PCDHGB5: variants seen among roughly 807,000 people sequenced by gnomAD.
PCDHGB5 encodes protocadherin gamma-B5.
A neutral mutation model predicts 62.9 loss-of-function variants in PCDHGB5; 48 were observed. The ratio of observed to expected loss-of-function variants is 0.76; its 90% CI spans 0.61 to 0.97. PCDHGB5 has a LOEUF of 0.97. PCDHGB5 is among the 50% of genes least tolerant of loss of function. PCDHGB5 has a pLI of 0.00. For missense variants in PCDHGB5, 1,118 were observed against 1,198.6 expected (o/e 0.93, Z 0.99); for synonymous variants, 474 against 511.2 (o/e 0.93, Z 0.98).
intron 1 of PCDHGB5, among the ~76,000 whole-genome samples, chr5:141,473,132 T>C (rs2099314792): frequency 6.6e-6 from 1 of 152,230 alleles, no homozygotes; most frequent in Non-Finnish European, 1.5e-5. Context: ...TGGCAAACTA[T>C]ATTATCTCTT....
chr5:141,490,611 G>A lies in PCDHGB5; in HGVS notation c.2398-4196G>A, dbSNP rs1442281165. 1 of 1,614,052 alleles carries A rather than the reference G, an allele frequency of 6.2e-7. No homozygotes were observed. The highest frequency in any genetic ancestry group is 1.3e-5 in the African/African-American group (1 of 74,914). On this transcript the variant is annotated intron_variant, in intron 1 of 3. Coordinates refer to ENST00000617380, the MANE Select transcript of PCDHGB5 (RefSeq NM_018925.3). This position sits in a 1 kb window ranked among gnomAD's most constrained non-coding sequence, Gnocchi z 5.4. ...ACAATGCACCCCGCTTCAACCAGCA[G>A]CTTTACACTGCTTACATCCTAGAAA...
rs1337141924 is a variant in PCDHGB5, at chr5:141,512,916, CTAATATT to C, written c.*1746_*1752del. On this transcript the variant is annotated 3_prime_UTR_variant, in exon 4 of 4. Coordinates refer to ENST00000617380, the MANE Select transcript of PCDHGB5 (RefSeq NM_018925.3). The stretch of plus-strand genomic sequence containing the variant: ...CTGTGTCTCACGCAAGTTTTATACT[CTAATATT>C]TATATGGCTTTTTTTCTTCGACAAA... The C allele has an allele frequency of 1.3e-5, 2 of 152,206 alleles. No homozygotes were observed. Among genetic ancestry groups the C allele is most frequent in the Non-Finnish European group, 2.9e-5 (2 of 68,046 alleles). The allele number at this position is 152,206 out of a possible 1,614,324, so 9.4% of individuals were successfully genotyped here.
At chr5:141,442,473 C>T (rs1435437337) in intron 1 of PCDHGB5, 1 of 152,240 alleles carries the variant, frequency 6.6e-6, no homozygotes, top group Non-Finnish European at 1.5e-5. Flanking sequence ...CAGAAAGCCC[C>T]TTGGGGAAGG....
chr5:141,402,879 C>T, intron 1 of PCDHGB5: 1 of 1,471,232 alleles, frequency 6.8e-7, no homozygotes, highest in Non-Finnish European at 9.0e-7. Flanking sequence ...CCATACTTTG[C>T]AGGGTGGAAG....
intron 1 of PCDHGB5, chr5:141,419,831 G>C: frequency 1.9e-6 from 3 of 1,614,048 alleles, no homozygotes; most frequent in Non-Finnish European, 2.5e-6. Context: ...TTCAGCCACT[G>C]CCACGCTGCA....
chr5:141,464,725 A>G (rs538200804), intron 1 of PCDHGB5, among the ~76,000 whole-genome samples: 27 of 152,178 alleles, frequency 1.8e-4, no homozygotes, highest in African/African-American at 5.1e-4. Flanking sequence ...TCATATGTTT[A>G]AAAGCCAGTT....
chr5:141,449,078 C>T (rs1342751417), intron 1 of PCDHGB5, among the ~76,000 whole-genome samples: 1 of 152,052 alleles, frequency 6.6e-6, no homozygotes, highest in Non-Finnish European at 1.5e-5. Flanking sequence ...AGCCCTGTAC[C>T]TACATCAGTT....
intron 1 of PCDHGB5, chr5:141,423,971 G>T: frequency 8.8e-7 from 1 of 1,136,014 alleles, no homozygotes; most frequent in Non-Finnish European, 1.1e-6. Context: ...TCTATTATCA[G>T]TGTATGAGGC....
chr5:141,423,603 C>G, intron 1 of PCDHGB5: 1 of 1,612,584 alleles, frequency 6.2e-7, no homozygotes. Flanking sequence ...GCGAGCCACT[C>G]TTGATAGCTG....
chr5:141,507,781 C>A (rs2099863256), intron 3 of PCDHGB5, among the ~76,000 whole-genome samples: 1 of 152,214 alleles, frequency 6.6e-6, no homozygotes, highest in South Asian at 2.1e-4. Flanking sequence ...CAGGGCCTGA[C>A]CCTCGTCTAA....
intron 1 of PCDHGB5, chr5:141,430,604 A>C (rs1288378907): frequency 7.8e-6 from 5 of 641,158 alleles, no homozygotes; most frequent in Non-Finnish European, 1.2e-5. Context: ...CGCCTGAAGC[A>C]CAAAGCAGAT....
intron 1 of PCDHGB5, chr5:141,413,563 A>G: frequency 6.2e-7 from 1 of 1,613,918 alleles, no homozygotes; most frequent in Non-Finnish European, 8.5e-7. Context: ...AGTAACTGAT[A>G]TCAATGACAA....
At chr5:141,418,189 G>A in intron 1 of PCDHGB5, 1 of 1,614,046 alleles carries the variant, frequency 6.2e-7, no homozygotes, top group Admixed American at 1.7e-5. Flanking sequence ...AAGCTGTGGT[G>A]GAAAATCCTT....
intron 1 of PCDHGB5, among the ~76,000 whole-genome samples, chr5:141,480,693 G>C (rs1488899685): frequency 2.6e-5 from 4 of 152,096 alleles, no homozygotes; most frequent in Non-Finnish European, 5.9e-5. Context: ...CTGAAACCCA[G>C]GCCACACCCC....
chr5:141,432,537 C>T lies in PCDHGB5; in HGVS notation c.2397+32013C>T, dbSNP rs367578838. Reference sequence around the variant, plus strand: ...GGCTACCTGGTGACCAAGGTGGTGGCGGTGGACAGAGACTCCGGCCAGAAC... The same window carrying T: ...GGCTACCTGGTGACCAAGGTGGTGGTGGTGGACAGAGACTCCGGCCAGAAC... On this transcript the variant is annotated intron_variant, in intron 1 of 3. Transcript: ENST00000617380. This position sits in a 1 kb window ranked among gnomAD's most constrained non-coding sequence, Gnocchi z 6.0. The T allele has an allele frequency of 5.6e-6, 9 of 1,613,882 alleles. No homozygotes were observed. The African/African-American group carries it at 6.7e-5, about 12-fold the overall frequency.
intron 1 of PCDHGB5, chr5:141,492,005 C>A (rs1444993907): frequency 3.1e-6 from 2 of 642,268 alleles, no homozygotes; most frequent in African/African-American, 3.8e-5. Flanking sequence ...GGGCGATTTC[C>A]GCGGGTGTCG....
chr5:141,463,446 T>TC, intron 1 of PCDHGB5, among the ~76,000 whole-genome samples: 1 of 125,012 alleles, frequency 8.0e-6, no homozygotes, highest in Non-Finnish European at 1.7e-5. Flanking sequence ...TCCTTTTTTT[T>TC]TTTTTTTTTT....
At chr5:141,421,303 G>C in intron 1 of PCDHGB5, 1 of 1,613,660 alleles carries the variant, frequency 6.2e-7, no homozygotes, top group Non-Finnish European at 8.5e-7. Context: ...GACGCTGCGG[G>C]GGTTCCGGGC....
At chr5:141,401,734 G>T (rs2094188545) in intron 1 of PCDHGB5, among the ~76,000 whole-genome samples, 1 of 152,166 alleles carries the variant, frequency 6.6e-6, no homozygotes, top group Non-Finnish European at 1.5e-5. Context: ...CTAGTCTTGT[G>T]TACATACAAA....
Sources: gnomAD v4.1 joint callset for allele counts (sites outside exome capture counted in the v4.1 genomes callset) on GRCh38, gnomAD v4.1.1 for gene constraint, Gnocchi (gnomAD v3.1) non-coding constraint, MANE v1.5 for transcripts, NCBI Gene and HGNC (gene_info 2026-07-23, HGNC 2026-07-21) for gene names.